The following MAP1LC3B2 variants were observed in gnomAD, a reference collection of about 807,000 sequenced individuals.
The protein encoded by MAP1LC3B2 is microtubule-associated protein 1 light chain 3 beta 2.
For synonymous variants in MAP1LC3B2, 62 were observed against 57.8 expected (o/e 1.07, Z -0.33); for missense variants, 155 against 154.6 (o/e 1.00, Z -0.01).
At chr12:116,565,023 T>C (rs994744981) in intron 1 of MAP1LC3B2, among the ~76,000 whole-genome samples, 2 of 152,180 alleles carry the variant, frequency 1.3e-5, no homozygotes, top group African/African-American at 4.8e-5. Context: ...GAAAACAACT[T>C]TGGTACCAAT....
chr12:116,573,586 G>A (rs1190989926), intron 1 of MAP1LC3B2, among the ~76,000 whole-genome samples: 4 of 151,752 alleles, frequency 2.6e-5, no homozygotes, highest in Non-Finnish European at 4.4e-5. Flanking sequence ...GCGTGATCTC[G>A]GCTCACTGCA....
At chr12:116,560,188 C>CTATATATA (rs56727893) in intron 1 of MAP1LC3B2, 9 of 88,430 alleles carry the variant, frequency 1.0e-4, no homozygotes, top group East Asian at 2.7e-4. Context: ...CTAAGTTTGG[C>CTATATATA]TATATATATA....
chr12:116,566,176 T>C (rs983577957), intron 1 of MAP1LC3B2, among the ~76,000 whole-genome samples: 41 of 152,260 alleles, frequency 2.7e-4, no homozygotes, highest in Non-Finnish European at 4.9e-4. Flanking sequence ...TAAAACTTGC[T>C]TGGGGGTGAA....
At chr12:116,570,630 T>G (rs373257764) in intron 1 of MAP1LC3B2, among the ~76,000 whole-genome samples, 2 of 152,336 alleles carry the variant, frequency 1.3e-5, no homozygotes, top group South Asian at 2.1e-4. Context: ...CACTTGGCTC[T>G]CATTCTCTCT....
At chr12:116,572,666 G>A (rs2136963847) in intron 1 of MAP1LC3B2, among the ~76,000 whole-genome samples, 1 of 152,348 alleles carries the variant, frequency 6.6e-6, no homozygotes, top group East Asian at 1.9e-4. Context: ...GCCCAGCCAA[G>A]GCATGCCTCA....
intron 1 of MAP1LC3B2, among the ~76,000 whole-genome samples, chr12:116,569,265 C>T (rs1255717198): frequency 6.6e-6 from 1 of 152,150 alleles, no homozygotes; most frequent in African/African-American, 2.4e-5. Flanking sequence ...ACTCACCTGT[C>T]CAGAAGCTGT....
chr12:116,560,224 ATATATATATATATATATG>A lies in MAP1LC3B2; in HGVS notation c.-102+795_-102+812del, dbSNP rs1243027927. 8.0e-4 allele frequency: 87 copies of A among 108,548 alleles called. 1 individual carries two copies. Among genetic ancestry groups the A allele is most frequent in the African/African-American group, 2.7e-3 (71 of 26,398 alleles). The allele number at this position is 108,548 out of a possible 1,614,324, so 6.7% of individuals were successfully genotyped here. A position where few individuals can be genotyped will look rare whatever the true frequency, so the allele number is the denominator to read the frequency against. ...TATATATATATATATATATATATAT[ATATATATATATATATATG>A]TATGTATATGTATATATATATATTT... On this transcript the variant is annotated intron_variant, in intron 1 of 1. Transcript: ENST00000556529.
chr12:116,566,755 A>C (rs1314019018), intron 1 of MAP1LC3B2, among the ~76,000 whole-genome samples: 1 of 150,646 alleles, frequency 6.6e-6, no homozygotes, highest in East Asian at 1.9e-4. Context: ...AACATGGTGA[A>C]ACCCTGTCTC....
At chr12:116,575,735 GA>G in intron 1 of MAP1LC3B2, 106 bp from the exon 2 acceptor site, 1 of 628,056 alleles carries the variant, frequency 1.6e-6, no homozygotes. Context: ...GGTGTCAGCA[GA>G]TGTTTTCTGT....
chr12:116,575,248 C>T (rs923959471), intron 1 of MAP1LC3B2, among the ~76,000 whole-genome samples: 2 of 149,946 alleles, frequency 1.3e-5, no homozygotes, highest in Non-Finnish European at 3.0e-5. Flanking sequence ...GAAAAAAAGT[C>T]AAACTCTGAA....
At chr12:116,573,503 CCTTTTT>C (rs763293826) in intron 1 of MAP1LC3B2, among the ~76,000 whole-genome samples, 33 of 152,104 alleles carry the variant, frequency 2.2e-4, no homozygotes, top group East Asian at 3.9e-4. Context: ...ATATCGTCTT[CCTTTTT>C]CTTTTTCTTT....
chr12:116,573,220 A>G (rs1428178580), intron 1 of MAP1LC3B2, among the ~76,000 whole-genome samples: 3 of 152,230 alleles, frequency 2.0e-5, no homozygotes, highest in Non-Finnish European at 4.4e-5. Flanking sequence ...TACGGTGCCC[A>G]GCTGAATTAT....
intron 1 of MAP1LC3B2, among the ~76,000 whole-genome samples, chr12:116,575,120 C>T (rs909782760): frequency 2.7e-5 from 4 of 147,668 alleles, no homozygotes; most frequent in Non-Finnish European, 5.9e-5. Context: ...GCGGAGGTTG[C>T]GGTGAGCCAA....
rs35360861 is a variant in MAP1LC3B2 at position 116,576,591 on chromosome 12, T to TAA, written c.*285_*286dup. 3,969 of 262,490 alleles carry TAA rather than the reference T, an allele frequency of 0.015. No homozygotes were observed. Among genetic ancestry groups the TAA allele is most frequent in the Non-Finnish European group, 0.021 (2,711 of 131,092 alleles). 16.3% of individuals were successfully genotyped at this position (262,490 alleles called of 1,614,324 possible). The stretch of plus-strand genomic sequence containing the variant: ...TTTAAAAATAAAATACTTTGCATTC[T>TAA]AAAAAAAAAAAAAAATTGCCTTACA... On this transcript the variant is annotated 3_prime_UTR_variant, in exon 2 of 2. Coordinates refer to ENST00000556529, the MANE Select transcript of MAP1LC3B2 (RefSeq NM_001085481.3).
chr12:116,576,101 T>C lies in MAP1LC3B2; in HGVS notation c.159T>C (p.Leu53=), dbSNP rs1275208324. ...CTGTTCTGGATAAAACAAAGTTCCT[T>C]GTACCTGACCATGTCAACATGAGTG... is the stretch of plus-strand genomic sequence containing the variant. The part of the protein sequence containing the change: ...QLPVLDKTKF[L]VPDHVNMSEL... Residue 53 remains leucine, a synonymous_variant, in exon 2 of 2, where the codon CTT becomes CTC. Transcript: ENST00000556529. 1 of 1,614,198 alleles carries C rather than the reference T, an allele frequency of 6.2e-7. No homozygotes were observed. The highest frequency in any genetic ancestry group is 8.5e-7 in the Non-Finnish European group (1 of 1,180,028).
intron 1 of MAP1LC3B2, among the ~76,000 whole-genome samples, chr12:116,561,361 T>C (rs1403995023): frequency 1.3e-5 from 2 of 151,798 alleles, no homozygotes; most frequent in Non-Finnish European, 2.9e-5. Context: ...GAAGTGAGGA[T>C]TGGAGTTTTG....
Position 116,560,532 on chromosome 12 carries a change from C to T in MAP1LC3B2, c.-102+1099C>T, listed in dbSNP as rs929017457. Among the ~76,000 whole-genome samples, 10 of 152,120 alleles carry T rather than the reference C, an allele frequency of 6.6e-5. No homozygotes were observed. In the East Asian group the frequency reaches 1.2e-3, roughly 18 times the overall value. On this transcript the variant is annotated intron_variant, in intron 1 of 1. Transcript: ENST00000556529. ...AAAGTCTTGGGATTACAGGTGTGAA[C>T]CATCACATCTGGCCTACTTTTACAC... is the stretch of plus-strand genomic sequence containing the variant.
intron 1 of MAP1LC3B2, among the ~76,000 whole-genome samples, chr12:116,565,071 G>C (rs7138180): frequency 1.3e-5 from 2 of 152,022 alleles, no homozygotes; most frequent in African/African-American, 4.8e-5. Flanking sequence ...AGTTCACCCT[G>C]ATAACTTAAG....
At chr12:116,569,240 C>G (rs1031896223) in intron 1 of MAP1LC3B2, among the ~76,000 whole-genome samples, 1 of 152,132 alleles carries the variant, frequency 6.6e-6, no homozygotes, top group African/African-American at 2.4e-5. Context: ...AGAACACAGA[C>G]TAAGACAATT....
Sources: allele counts gnomAD v4.1 joint callset (sites outside exome capture counted in the v4.1 genomes callset), GRCh38; gene constraint gnomAD v4.1.1; transcripts MANE v1.5; gene names NCBI Gene and HGNC (gene_info 2026-07-23, HGNC 2026-07-21).